The following NKAIN2 variants were observed in gnomAD, a reference collection of about 807,000 sequenced individuals.
NKAIN2 encodes sodium/potassium-transporting ATPase subunit beta-1-interacting protein 2.
A neutral mutation model predicts 32.6 loss-of-function variants in NKAIN2; 14 were observed. The ratio of observed to expected loss-of-function variants is 0.43; its 90% CI spans 0.28 to 0.67. The LOEUF (loss-of-function observed/expected upper bound fraction) is 0.67, where lower values mean the gene tolerates loss of function less well. Among genes scored for constraint, NKAIN2 ranks in the 30% least tolerant of loss-of-function variants. The probability of loss-of-function intolerance (pLI) is 0.17; values close to 1 mark genes in which losing one functional copy is unlikely to be tolerated. For missense variants in NKAIN2, 198 were observed against 258.3 expected, an observed-to-expected ratio of 0.77 and a Z score of 1.60; for synonymous variants, 80 against 87.2, an observed-to-expected ratio of 0.92 and a Z score of 0.46.
intron 1 of NKAIN2, chr6:123,823,188 T>A (rs1354345590): frequency 6.6e-6 from 1 of 152,184 alleles, no homozygotes; most frequent in Non-Finnish European, 1.5e-5. Flanking sequence ...CCGAAACCTG[T>A]ATTTTCTTTA....
At chr6:124,536,128 G>T in intron 3 of NKAIN2, among the ~76,000 whole-genome samples, 1 of 152,106 alleles carries the variant, frequency 6.6e-6, no homozygotes, top group South Asian at 2.1e-4. Flanking sequence ...AAATTCAAAC[G>T]CCCAAGTAAT....
At chr6:124,065,143 T>A (rs964685178) in intron 1 of NKAIN2, among the ~76,000 whole-genome samples, 2 of 152,038 alleles carry the variant, frequency 1.3e-5, no homozygotes, top group African/African-American at 4.8e-5. Context: ...AGGTAAAGAT[T>A]TTCACAGTAT....
At chr6:124,032,954 A>G (rs962679899) in intron 1 of NKAIN2, among the ~76,000 whole-genome samples, 2 of 152,094 alleles carry the variant, frequency 1.3e-5, no homozygotes, top group Admixed American at 1.3e-4. Flanking sequence ...TCTTTAAAAA[A>G]AAATCAATAA....
chr6:124,670,284 T>C (rs1226157494), intron 4 of NKAIN2, among the ~76,000 whole-genome samples: 1 of 152,102 alleles, frequency 6.6e-6, no homozygotes, highest in Admixed American at 6.6e-5. Context: ...TGGTAGACAA[T>C]GCCTTGCCAA....
intron 1 of NKAIN2, among the ~76,000 whole-genome samples, chr6:123,976,111 A>G (rs1418367643): frequency 6.6e-6 from 1 of 151,156 alleles, no homozygotes; most frequent in Non-Finnish European, 1.5e-5. Flanking sequence ...CATGATTGTG[A>G]GGCCTCCCCA....
At chr6:123,905,615 T>C (rs557476662) in intron 1 of NKAIN2, among the ~76,000 whole-genome samples, 2 of 152,250 alleles carry the variant, frequency 1.3e-5, no homozygotes, top group Non-Finnish European at 2.9e-5. Flanking sequence ...ATGTACCTAA[T>C]GTACACTGTG....
In NKAIN2 at chr6:124,572,741, A is replaced by C. The variant is rs375502877; in HGVS notation, c.274-85445A>C. On this transcript the variant is annotated intron_variant, in intron 3 of 6. Coordinates refer to ENST00000368417, the MANE Select transcript of NKAIN2 (RefSeq NM_001040214.3). The stretch of plus-strand genomic sequence containing the variant: ...GTTTAGATCAATATCAAGATATTTT[A>C]TAAAAAGAGGTTAAATTAAATAATT... Among the ~76,000 whole-genome samples the C allele has an allele frequency of 5.5e-4, 84 of 152,380 alleles. 2 individuals carry two copies. The South Asian group carries it at 0.016, about 30-fold the overall frequency.
intron 3 of NKAIN2, among the ~76,000 whole-genome samples, chr6:124,487,455 A>G (rs1483752602): frequency 6.6e-6 from 1 of 152,170 alleles, no homozygotes; most frequent in Non-Finnish European, 1.5e-5. Flanking sequence ...ACTTTAATAT[A>G]TTAACCTTCC....
intron 3 of NKAIN2, among the ~76,000 whole-genome samples, chr6:124,576,763 C>G (rs1344054848): frequency 6.6e-6 from 1 of 152,088 alleles, no homozygotes; most frequent in South Asian, 2.1e-4. Flanking sequence ...AAGAAACGCA[C>G]TTGTAGACTT....
intron 1 of NKAIN2, among the ~76,000 whole-genome samples, chr6:123,899,892 G>A (rs1434143469): frequency 1.3e-5 from 2 of 152,110 alleles, no homozygotes; most frequent in Non-Finnish European, 2.9e-5. Context: ...TCCTGGGCAG[G>A]GAACACTGTC....
chr6:124,553,872 CATT>C (rs1780380404), intron 3 of NKAIN2, among the ~76,000 whole-genome samples: 1 of 152,140 alleles, frequency 6.6e-6, no homozygotes, highest in Non-Finnish European at 1.5e-5. Flanking sequence ...CTTTCTATAA[CATT>C]ATTTTATTTA....
chr6:124,761,134 A>G (rs1406354557), intron 4 of NKAIN2, among the ~76,000 whole-genome samples: 1 of 152,184 alleles, frequency 6.6e-6, no homozygotes, highest in Non-Finnish European at 1.5e-5. Context: ...CTTTACTACA[A>G]TGTGAATAAG....
At chr6:124,021,884 T>A (rs1018338010) in intron 1 of NKAIN2, among the ~76,000 whole-genome samples, 1 of 152,116 alleles carries the variant, frequency 6.6e-6, no homozygotes, top group Non-Finnish European at 1.5e-5. Context: ...AGGCATTTGG[T>A]AATCATACTC....
At chr6:124,364,013 T>C (rs539613623) in intron 3 of NKAIN2, among the ~76,000 whole-genome samples, 1 of 152,066 alleles carries the variant, frequency 6.6e-6, no homozygotes, top group Admixed American at 6.5e-5. Context: ...ACGGGAAAAC[T>C]GGAACTAATA....
At chr6:124,388,894 G>T (rs1773027579) in intron 3 of NKAIN2, among the ~76,000 whole-genome samples, 1 of 152,024 alleles carries the variant, frequency 6.6e-6, no homozygotes, top group African/African-American at 2.4e-5. Flanking sequence ...TCCAAGCATA[G>T]TGCTAAAGTA....
At chr6:124,473,058 G>A (rs1350553964) in intron 3 of NKAIN2, among the ~76,000 whole-genome samples, 3 of 152,166 alleles carry the variant, frequency 2.0e-5, no homozygotes, top group African/African-American at 7.2e-5. Context: ...CTTTCTGTTA[G>A]AGAACCCACA....
rs1473572416 is a variant in NKAIN2, at chr6:123,911,807, A to ATATATATGTATATATATATGTATG, written c.54+107559_54+107560insTGTATATATATATGTATGTATATA. ...CATATATATATATATATATGTATAT[A>ATATATATGTATATATATATGTATG]TATATACACACACACACACACACAC... On this transcript the variant is annotated intron_variant, in intron 1 of 6. Transcript: ENST00000368417. Among the ~76,000 whole-genome samples the ATATATATGTATATATATATGTATG allele has an allele frequency of 1.9e-5, 2 of 103,736 alleles. 1 individual carries two copies. The highest frequency in any genetic ancestry group is 3.7e-5 in the Non-Finnish European group (2 of 54,158). 68.1% of individuals were successfully genotyped at this position (103,736 alleles called of 152,430 possible). A position where few individuals can be genotyped will look rare whatever the true frequency, so the allele number is the denominator to read the frequency against.
chr6:124,772,365 G>A (rs747685976), intron 4 of NKAIN2, among the ~76,000 whole-genome samples: 1 of 152,098 alleles, frequency 6.6e-6, no homozygotes, highest in Admixed American at 6.6e-5. Context: ...AGCAAGAGAC[G>A]AGGGCCAGAG....
At chr6:124,147,355 G>T (rs113820256) in intron 1 of NKAIN2, among the ~76,000 whole-genome samples, 1 of 151,980 alleles carries the variant, frequency 6.6e-6, no homozygotes, top group African/African-American at 2.4e-5. Context: ...CTCTTGACCC[G>T]TGGTTGTTAA....
Sources: allele counts gnomAD v4.1 joint callset (sites outside exome capture counted in the v4.1 genomes callset), GRCh38; gene constraint gnomAD v4.1.1; transcripts MANE v1.5; gene names NCBI Gene and HGNC (gene_info 2026-07-23, HGNC 2026-07-21).